The following PDE7A variants were observed in gnomAD, a reference collection of about 807,000 sequenced individuals.
PDE7A encodes the protein phosphodiesterase 7A.
Under a neutral mutation model 64.3 loss-of-function variants are expected in PDE7A, and 39 were observed. The observed-to-expected ratio is 0.61, with a 90% CI of 0.47 to 0.79. The LOEUF (loss-of-function observed/expected upper bound fraction) is 0.79. PDE7A is among the 30% of genes least tolerant of loss of function. The probability of loss-of-function intolerance (pLI) is 0.00; values close to 1 mark genes in which losing one functional copy is unlikely to be tolerated. For synonymous variants in PDE7A, 203 were observed against 206.8 expected, an observed-to-expected ratio of 0.98 and a Z score of 0.16; for missense variants, 470 against 582.8, an observed-to-expected ratio of 0.81 and a Z score of 1.99.
intron 3 of PDE7A, among the ~76,000 whole-genome samples, chr8:65,763,691 C>T (rs531826994): frequency 2.0e-5 from 3 of 152,290 alleles, no homozygotes; most frequent in African/African-American, 4.8e-5. Flanking sequence ...TAGCATAGCT[C>T]CTCAGTCATT....
At chr8:65,832,540 A>G (rs1585956130) in intron 1 of PDE7A, among the ~76,000 whole-genome samples, 1 of 152,318 alleles carries the variant, frequency 6.6e-6, no homozygotes, top group African/African-American at 2.4e-5. Flanking sequence ...GCTGCAGTGT[A>G]GTAGCACGAT....
intron 1 of PDE7A, among the ~76,000 whole-genome samples, chr8:65,839,771 G>C (rs1263617548): frequency 6.6e-6 from 1 of 152,030 alleles, no homozygotes; most frequent in African/African-American, 2.4e-5. Flanking sequence ...GCTTAAAATT[G>C]GTCTCTGTGG....
intron 3 of PDE7A, among the ~76,000 whole-genome samples, chr8:65,769,764 T>C (rs953976164): frequency 6.6e-6 from 1 of 152,066 alleles, no homozygotes; most frequent in Non-Finnish European, 1.5e-5. Flanking sequence ...GGCATGGTAG[T>C]GATTGCCCGT....
At chr8:65,757,004 C>T (rs1008394402) in intron 3 of PDE7A, among the ~76,000 whole-genome samples, 6 of 152,116 alleles carry the variant, frequency 3.9e-5, no homozygotes, top group Admixed American at 1.3e-4. Flanking sequence ...CCATGCCCTC[C>T]GTAGGTGCAC....
chr8:65,778,521 C>T (rs1008206477), intron 3 of PDE7A, among the ~76,000 whole-genome samples: 4 of 152,122 alleles, frequency 2.6e-5, no homozygotes, highest in Non-Finnish European at 5.9e-5. Context: ...ACAAGCAAGC[C>T]AAACTTGATA....
chr8:65,765,647 C>T (rs1808743802), intron 3 of PDE7A: 1 of 152,014 alleles, frequency 6.6e-6, no homozygotes, highest in South Asian at 2.1e-4. Flanking sequence ...CCTTGTATTA[C>T]ATCTTGCTGG....
At chr8:65,797,177 T>C (rs540239641) in intron 1 of PDE7A, among the ~76,000 whole-genome samples, 1 of 152,338 alleles carries the variant, frequency 6.6e-6, no homozygotes, top group South Asian at 2.1e-4. Flanking sequence ...GGTTGAATTG[T>C]GTCCCCCCAA....
chr8:65,792,885 T>C (rs561900954), intron 1 of PDE7A, among the ~76,000 whole-genome samples: 148 of 152,202 alleles, frequency 9.7e-4, no homozygotes, highest in Non-Finnish European at 1.8e-3. Context: ...TATGAGAGTT[T>C]TGCCATTCAA....
At chr8:65,840,987 G>C (rs898612806) in intron 1 of PDE7A, among the ~76,000 whole-genome samples, 4 of 152,242 alleles carry the variant, frequency 2.6e-5, no homozygotes, top group African/African-American at 9.6e-5. Flanking sequence ...TATGGGAAGG[G>C]GGACAGGTAT....
chr8:65,826,770 T>C (rs1488797673), intron 1 of PDE7A, among the ~76,000 whole-genome samples: 2 of 152,134 alleles, frequency 1.3e-5, no homozygotes, highest in East Asian at 3.9e-4. Context: ...CAGAAATATA[T>C]TCTCTCATAG....
At position 65,715,713 on chromosome 8, in the gene PDE7A, C is replaced by T. The variant is rs543503065; in HGVS notation, c.*3577G>A. On this transcript the variant is annotated 3_prime_UTR_variant, in exon 13 of 13. Coordinates refer to ENST00000401827, the MANE Select transcript of PDE7A (RefSeq NM_001242318.3). ...TCTTAAAAAATTAGCTGGCCGGGCA[C>T]GGTGGCTCACGCCTGTAATCCCAGC... Among the ~76,000 whole-genome samples the T allele has an allele frequency of 1.7e-4, 23 of 138,542 alleles. No individual in the cohort carries two copies. The highest frequency in any genetic ancestry group is 1.5e-3 in the Admixed American group (21 of 14,278). The allele number at this position is 138,542 out of a possible 152,430, so 90.9% of individuals were successfully genotyped here.
At chr8:65,782,588 T>C (rs1006935375) in intron 2 of PDE7A, among the ~76,000 whole-genome samples, 195 bp downstream of exon 2, 2 of 152,218 alleles carry the variant, frequency 1.3e-5, no homozygotes, top group African/African-American at 4.8e-5. Context: ...GATTTCTCAA[T>C]TACCTATAAC....
chr8:65,800,216 C>T (rs1005073321), intron 1 of PDE7A, among the ~76,000 whole-genome samples: 16 of 152,198 alleles, frequency 1.1e-4, no homozygotes, highest in African/African-American at 3.6e-4. Context: ...ACAGTGAAAA[C>T]TAAACTTTAT....
intron 3 of PDE7A, among the ~76,000 whole-genome samples, chr8:65,771,884 C>CAAAAAAAAAA (rs36101490): frequency 9.0e-5 from 5 of 55,804 alleles, no homozygotes; most frequent in Non-Finnish European, 1.1e-4. Flanking sequence ...CTCCATCTCT[C>CAAAAAAAAAA]AAAAAAAAAA....
In PDE7A at chr8:65,833,924, C is replaced by G. The variant is rs999852123; in HGVS notation, c.138+7447G>C. Among the ~76,000 whole-genome samples, 46 of 152,156 alleles carry G rather than the reference C, an allele frequency of 3.0e-4. 1 individual carries two copies. The highest frequency in any genetic ancestry group is 2.9e-3 in the Admixed American group (45 of 15,296). The stretch of plus-strand genomic sequence containing the variant: ...CGAGATACTGCCATTGCACTCTAGC[C>G]TGGGAGACAGAACAAGACCCTGTCT... On this transcript the variant is annotated intron_variant, in intron 1 of 12. Coordinates refer to ENST00000401827, the MANE Select transcript of PDE7A (RefSeq NM_001242318.3).
intron 6 of PDE7A, among the ~76,000 whole-genome samples, chr8:65,736,586 T>C (rs955154556): frequency 1.3e-5 from 2 of 151,900 alleles, no homozygotes; most frequent in African/African-American, 4.8e-5. Flanking sequence ...ACCTTGTCCC[T>C]ACTAAAAATA....
intron 1 of PDE7A, among the ~76,000 whole-genome samples, chr8:65,783,446 A>G (rs1402114576): frequency 6.6e-6 from 1 of 152,160 alleles, no homozygotes; most frequent in African/African-American, 2.4e-5. Context: ...TACACCAAAT[A>G]TACAGCCTTT....
At chr8:65,807,864 T>C (rs746537687) in intron 1 of PDE7A, among the ~76,000 whole-genome samples, 4 of 152,206 alleles carry the variant, frequency 2.6e-5, no homozygotes, top group Non-Finnish European at 4.4e-5. Context: ...GTGATGATGA[T>C]TCTGAGCTGC....
At chr8:65,729,373 T>C (rs1806744514) in intron 7 of PDE7A, among the ~76,000 whole-genome samples, 1 of 149,206 alleles carries the variant, frequency 6.7e-6, no homozygotes, top group South Asian at 2.1e-4. Context: ...GCTTTTTTTT[T>C]TTTTTTTTTT....
Sources: allele counts gnomAD v4.1 joint callset (sites outside exome capture counted in the v4.1 genomes callset), GRCh38; gene constraint gnomAD v4.1.1; transcripts MANE v1.5; gene names NCBI Gene and HGNC (gene_info 2026-07-23, HGNC 2026-07-21).